The following TP53AIP1 variants were observed in gnomAD, a reference collection of about 807,000 sequenced individuals.
TP53AIP1 encodes p53-regulated apoptosis-inducing protein 1.
Under a neutral mutation model 9.5 loss-of-function variants are expected in TP53AIP1, and 14 were observed. The observed-to-expected ratio is 1.47, with a 90% confidence interval of 0.97 to 2.30. The LOEUF is 2.30. TP53AIP1 is among the 30% of genes most tolerant of loss of function. The pLI is 0.00. For missense variants in TP53AIP1, 153 were observed against 146.7 expected (o/e 1.04, Z -0.22); for synonymous variants, 73 against 61.2 (o/e 1.19, Z -0.90).
chr11:128,935,516 T>C lies in TP53AIP1; in HGVS notation c.*75A>G. On this transcript the variant is annotated 3_prime_UTR_variant, in exon 4 of 4. Coordinates refer to ENST00000531399, the MANE Select transcript of TP53AIP1 (RefSeq NM_022112.3). ...GCCATTTCTCGACGGTGCTTTCTGT[T>C]TGTTTGTTTGTTTTTGTTTTGAGAT... 2 of 1,491,670 alleles carry C rather than the reference T, an allele frequency of 1.3e-6. No homozygotes were observed. The highest frequency in any genetic ancestry group is 2.5e-5 in the East Asian group (1 of 39,702). The allele number at this position is 1,491,670 out of a possible 1,614,324, so 92.4% of individuals were successfully genotyped here.
chr11:128,937,103 C>T lies in TP53AIP1; in HGVS notation c.142-454G>A. ...GTCTGCTTCCGGAGCCATGCGCTGCCTGTGCTGGGATGAATGCATGGCCCC... is the reference window on the plus strand; with the variant it reads ...GTCTGCTTCCGGAGCCATGCGCTGCTTGTGCTGGGATGAATGCATGGCCCC... On this transcript the variant is annotated intron_variant, in intron 2 of 3. Transcript: ENST00000531399. The surrounding 1 kb of genome is among the most constrained non-coding windows in gnomAD (Gnocchi z 4.8). 9.5e-7 allele frequency: 1 copy of T among 1,051,364 alleles called. No homozygotes were observed. The highest frequency in any genetic ancestry group is 1.1e-6 in the Non-Finnish European group (1 of 871,892). The allele number at this position is 1,051,364 out of a possible 1,614,324, so 65.1% of individuals were successfully genotyped here. A position where few individuals can be genotyped will look rare whatever the true frequency, so the allele number is the denominator to read the frequency against.
rs1249556067 is a variant in TP53AIP1 at position 128,939,190 on chromosome 11, C to T, written c.-76-1296G>A. The stretch of plus-strand genomic sequence containing the variant: ...ATACCAGGATTGAGCCCAAAGGTCA[C>T]GTTCTTTCCCTGCGGCTCCCTTCCC... On this transcript the variant is annotated intron_variant, in intron 1 of 3. Transcript: ENST00000531399. This position sits in a 1 kb window ranked among gnomAD's most constrained non-coding sequence, Gnocchi z 4.1. Among the ~76,000 whole-genome samples, 3 of 152,178 alleles carry T rather than the reference C, an allele frequency of 2.0e-5. No individual in the cohort carries two copies. Among genetic ancestry groups the T allele is most frequent in the Non-Finnish European group, 4.4e-5 (3 of 68,036 alleles).
chr11:128,938,678 C>T (rs1046581278), intron 1 of TP53AIP1, among the ~76,000 whole-genome samples: 3 of 152,186 alleles, frequency 2.0e-5, no homozygotes, highest in African/African-American at 2.4e-5. Flanking sequence ...CTGCCCACAT[C>T]GCTTCCCCAG....
At chr11:128,935,047 G>A (rs1354530588), downstream of TP53AIP1, 3 of 703,762 alleles carry the variant, frequency 4.3e-6, no homozygotes, top group Non-Finnish European at 7.8e-6. Context: ...TTACTGCACT[G>A]AAAAACACAA....
At chr11:128,934,877 CG>C, downstream of TP53AIP1, 1 of 639,678 alleles carries the variant, frequency 1.6e-6, no homozygotes, top group Non-Finnish European at 2.8e-6. Context: ...TGGGGATCCT[CG>C]GAAGTGTCAT....
chr11:128,940,907 G>C (rs1158984344), intron 1 of TP53AIP1, among the ~76,000 whole-genome samples: 1 of 152,138 alleles, frequency 6.6e-6, no homozygotes, highest in Admixed American at 6.5e-5. Flanking sequence ...AGTTCATCTC[G>C]ACAAGCCCGG....
Position 128,941,271 on chromosome 11 carries a change from C to T in TP53AIP1, c.-77+1523G>A, listed in dbSNP as rs534702833. Reference sequence around the variant, plus strand: ...CCCTCACACAAGCGATTCTCTCCACCTGCGACGTGTTTCCTCTCCCTCCCC... The same window carrying T: ...CCCTCACACAAGCGATTCTCTCCACTTGCGACGTGTTTCCTCTCCCTCCCC... On this transcript the variant is annotated intron_variant, in intron 1 of 3. Transcript: ENST00000531399. Among the ~76,000 whole-genome samples, 11 of 152,280 alleles carry T rather than the reference C, an allele frequency of 7.2e-5. No homozygotes were observed. In the South Asian group the frequency reaches 1.9e-3, roughly 26 times the overall value.
chr11:128,936,543 A>G lies in TP53AIP1; in HGVS notation c.248T>C (p.Leu83Pro). ...GSWSSATVWI[L>P]TGLGLGLSRP... ...ACTAAGTAATTATCACACACCTGTC[A>G]GGATCCAGACAGTTGCTGAGGACCA... Residue 83 changes from leucine to proline, a missense_variant, in exon 3 of 4, where the codon CTG becomes CCG. Physicochemically the swap from Leu to Pro is moderately conservative, Grantham distance 98 (BLOSUM62 -3). Coordinates refer to ENST00000531399, the MANE Select transcript of TP53AIP1 (RefSeq NM_022112.3). 1 of 1,570,018 alleles carries G rather than the reference A, an allele frequency of 6.4e-7. No homozygotes were observed. The highest frequency in any genetic ancestry group is 8.6e-7 in the Non-Finnish European group (1 of 1,165,840).
chr11:128,935,554 T>C lies in TP53AIP1; in HGVS notation c.*37A>G. The C allele has an allele frequency of 6.5e-7, 1 of 1,532,402 alleles. No individual in the cohort carries two copies. The highest frequency in any genetic ancestry group is 8.7e-7 in the Non-Finnish European group (1 of 1,146,586). The allele number at this position is 1,532,402 out of a possible 1,614,324, so 94.9% of individuals were successfully genotyped here. The stretch of plus-strand genomic sequence containing the variant: ...TTTGTTTTGAGATGGAGTCTCTCTC[T>C]GTCGCCCAGGCTGGAGTGCAGTGGC... On this transcript the variant is annotated 3_prime_UTR_variant, in exon 4 of 4. Transcript: ENST00000531399.
In TP53AIP1 at chr11:128,937,822, G is replaced by A; in HGVS notation, c.-4C>T. On this transcript the variant is annotated 5_prime_UTR_variant, in exon 2 of 4. Coordinates refer to ENST00000531399, the MANE Select transcript of TP53AIP1 (RefSeq NM_022112.3). The surrounding 1 kb of genome is among the most constrained non-coding windows in gnomAD (Gnocchi z 4.8). ...TCGCCTCAGAGGAAGATCCCATCCA[G>A]GGGAGGCCCTGTCTGCAGAAAGCAG... 1 of 1,602,758 alleles carries A rather than the reference G, an allele frequency of 6.2e-7. No homozygotes were observed.
rs748923901 is a variant in TP53AIP1, at chr11:128,937,560, C to T, written c.141+118G>A. 3 of 1,614,086 alleles carry T rather than the reference C, an allele frequency of 1.9e-6. No individual in the cohort carries two copies. In the South Asian group the frequency reaches 3.3e-5, roughly 18 times the overall value. On this transcript the variant is annotated intron_variant, in intron 2 of 3. Coordinates refer to ENST00000531399, the MANE Select transcript of TP53AIP1 (RefSeq NM_022112.3). This position sits in a 1 kb window ranked among gnomAD's most constrained non-coding sequence, Gnocchi z 4.8. Reference sequence around the variant, plus strand: ...GCATGCAGCTCTGAGGACCCAGATGCTGTCACTGGGTCCTGGTGAGTCTGA... The same window carrying T: ...GCATGCAGCTCTGAGGACCCAGATGTTGTCACTGGGTCCTGGTGAGTCTGA...
chr11:128,942,167 G>A (rs1021627882), intron 1 of TP53AIP1, among the ~76,000 whole-genome samples: 3 of 152,206 alleles, frequency 2.0e-5, no homozygotes, highest in Non-Finnish European at 4.4e-5. Flanking sequence ...GGCAGAACTA[G>A]GGAACTGCTG....
At chr11:128,941,906 C>A (rs979731709) in intron 1 of TP53AIP1, among the ~76,000 whole-genome samples, 1 of 152,196 alleles carries the variant, frequency 6.6e-6, no homozygotes, top group African/African-American at 2.4e-5. Context: ...GAGGGCCCCA[C>A]GCACAGACGT....
At chr11:128,941,812 C>T (rs1039091733) in intron 1 of TP53AIP1, among the ~76,000 whole-genome samples, 2 of 152,226 alleles carry the variant, frequency 1.3e-5, no homozygotes, top group Non-Finnish European at 2.9e-5. Flanking sequence ...GGCTGCCGCC[C>T]CCACCCACCT....
At chr11:128,941,129 G>A (rs570336276) in intron 1 of TP53AIP1, among the ~76,000 whole-genome samples, 21 of 152,272 alleles carry the variant, frequency 1.4e-4, no homozygotes, top group East Asian at 5.8e-4. Flanking sequence ...CAAGGGGGCC[G>A]TGTTCTCTGA....
At chr11:128,935,261 G>A (rs1944788920), downstream of TP53AIP1, 1 of 1,432,542 alleles carries the variant, frequency 7.0e-7, no homozygotes, top group Non-Finnish European at 9.1e-7. Flanking sequence ...TGCCATAGCT[G>A]TGAGACAACG....
rs2136020010 is a variant in TP53AIP1, at chr11:128,937,361, T to C, written c.141+317A>G. On this transcript the variant is annotated intron_variant, in intron 2 of 3. Coordinates refer to ENST00000531399, the MANE Select transcript of TP53AIP1 (RefSeq NM_022112.3). The surrounding 1 kb of genome is among the most constrained non-coding windows in gnomAD (Gnocchi z 4.8). ...CAGCCTCTCCATTTAGCTCTCACTT[T>C]CTGGATGCAGCCAGGCACCACCTTC... is the stretch of plus-strand genomic sequence containing the variant. The C allele has an allele frequency of 1.4e-6, 2 of 1,423,720 alleles. No homozygotes were observed. Among genetic ancestry groups the C allele is most frequent in the East Asian group, 2.5e-5 (1 of 39,584 alleles). 88.2% of individuals were successfully genotyped at this position (1,423,720 alleles called of 1,614,324 possible).
At chr11:128,938,051 TGAG>T (rs1489590269) in intron 1 of TP53AIP1, among the ~76,000 whole-genome samples, 157 bp from the exon 2 acceptor site, 5 of 151,826 alleles carry the variant, frequency 3.3e-5, no homozygotes, top group Non-Finnish European at 7.4e-5. Context: ...ACCACACACC[TGAG>T]GAGATGCTTT....
In TP53AIP1 at chr11:128,935,533, T is replaced by C; in HGVS notation, c.*58A>G. ...CTTTCTGTTTGTTTGTTTGTTTTTGTTTTGAGATGGAGTCTCTCTCTGTCG... is the reference window on the plus strand; with the variant it reads ...CTTTCTGTTTGTTTGTTTGTTTTTGCTTTGAGATGGAGTCTCTCTCTGTCG... On this transcript the variant is annotated 3_prime_UTR_variant, in exon 4 of 4. Coordinates refer to ENST00000531399, the MANE Select transcript of TP53AIP1 (RefSeq NM_022112.3). 1 of 1,517,806 alleles carries C rather than the reference T, an allele frequency of 6.6e-7. No homozygotes were observed. Among genetic ancestry groups the C allele is most frequent in the East Asian group, 2.5e-5 (1 of 40,638 alleles). 94.0% of individuals were successfully genotyped at this position (1,517,806 alleles called of 1,614,324 possible).
Sources: allele counts gnomAD v4.1 joint callset (sites outside exome capture counted in the v4.1 genomes callset), GRCh38; gene constraint gnomAD v4.1.1; non-coding constraint Gnocchi (gnomAD v3.1); transcripts MANE v1.5; gene names NCBI Gene and HGNC (gene_info 2026-07-23, HGNC 2026-07-21).